Variants in CRB1 observed in about 807,000 individuals in gnomAD.
CRB1 encodes the protein protein crumbs homolog 1.
CRB1 carries 83 observed loss-of-function variants against 120.0 expected under a neutral mutation model. That is an observed-to-expected ratio of 0.69 (90% confidence interval 0.58 to 0.83). The LOEUF is 0.83. Among genes scored for constraint, CRB1 ranks in the 40% least tolerant of loss-of-function variants. The pLI, the probability that CRB1 is intolerant of heterozygous loss-of-function variation, is 0.00. For missense variants in CRB1, 1,699 were observed against 1,687.6 expected (o/e 1.01, Z -0.12); for synonymous variants, 625 against 612.5 (o/e 1.02, Z -0.30).
At chr1:197,270,997 C>T (rs1654875668) in intron 1 of CRB1, among the ~76,000 whole-genome samples, 2 of 152,076 alleles carry the variant, frequency 1.3e-5, no homozygotes, top group Admixed American at 6.6e-5. Context: ...TAGTTCAAGA[C>T]CAGCCTGGGC....
chr1:197,290,404 G>A (rs1656104917), intron 1 of CRB1, among the ~76,000 whole-genome samples: 2 of 151,436 alleles, frequency 1.3e-5, no homozygotes, highest in Admixed American at 1.3e-4. Flanking sequence ...TGAAAGGACA[G>A]GAAGTCATTA....
rs1197144783 is a variant in CRB1, at chr1:197,453,236, G to A, written c.4005+10944G>A. 2.0e-5 allele frequency among the ~76,000 whole-genome samples: 3 copies of A among 148,774 alleles called. No homozygotes were observed. The East Asian group carries it at 5.8e-4, about 29-fold the overall frequency. The stretch of plus-strand genomic sequence containing the variant: ...AGCTAGGGGGAAGTGGAAATGGGGA[G>A]ATGTCATTAAATAAGTATGTGTGTA... On this transcript the variant is annotated intron_variant, in intron 11 of 11. Coordinates refer to ENST00000367400, the MANE Select transcript of CRB1 (RefSeq NM_201253.3).
the CRB1 span, among the ~76,000 whole-genome samples, chr1:197,224,622 A>C: frequency 2.6e-5 from 4 of 152,152 alleles, no homozygotes; most frequent in Non-Finnish European, 5.9e-5. Flanking sequence ...TAAGCTGAAC[A>C]TAATTTTATT....
intron 1 of CRB1, among the ~76,000 whole-genome samples, chr1:197,298,628 G>C (rs1185625416): frequency 6.6e-6 from 1 of 151,976 alleles, no homozygotes; most frequent in Admixed American, 6.6e-5. Flanking sequence ...TGTCCTACCA[G>C]ATAATATAGC....
At chr1:197,395,593 GTCT>G (rs1662730997) in intron 5 of CRB1, among the ~76,000 whole-genome samples, 1 of 152,024 alleles carries the variant, frequency 6.6e-6, no homozygotes, top group Admixed American at 6.6e-5. Flanking sequence ...GGAACCCCAG[GTCT>G]TCTCTGTGCT....
At chr1:197,252,536 TTTTA>T in the CRB1 span, among the ~76,000 whole-genome samples, 1 of 39,944 alleles carries the variant, frequency 2.5e-5, no homozygotes, top group African/African-American at 8.0e-5. Context: ...AGCCAATAGA[TTTTA>T]TATATATATA....
intron 11 of CRB1, among the ~76,000 whole-genome samples, chr1:197,463,495 T>C (rs1383511126): frequency 7.9e-5 from 12 of 152,142 alleles, no homozygotes. Context: ...TCTGCAGATA[T>C]GCCAACTAAG....
intron 2 of CRB1, among the ~76,000 whole-genome samples, chr1:197,341,816 T>G (rs1221138463): frequency 6.6e-6 from 1 of 152,180 alleles, no homozygotes; most frequent in Non-Finnish European, 1.5e-5. Flanking sequence ...CTTATCTCCA[T>G]GATTCATTCT....
chr1:197,348,108 G>A (rs10922199), intron 4 of CRB1, among the ~76,000 whole-genome samples: 43,591 of 152,080 alleles, frequency 0.29, 7,948 homozygotes, highest in East Asian at 0.56. Context: ...GGTCAATGAC[G>A]GACCACATAT....
chr1:197,334,402 A>G (rs1659029897), intron 2 of CRB1, among the ~76,000 whole-genome samples: 1 of 152,184 alleles, frequency 6.6e-6, no homozygotes, highest in East Asian at 1.9e-4. Context: ...ATGCAATAGT[A>G]TTGGGAGGTG....
intron 7 of CRB1, chr1:197,429,235 C>G: frequency 7.2e-7 from 1 of 1,388,290 alleles, no homozygotes; most frequent in Non-Finnish European, 9.6e-7. Flanking sequence ...TATATCTTTT[C>G]TCTCTCTCTG....
intron 4 of CRB1, among the ~76,000 whole-genome samples, chr1:197,354,638 C>A (rs946323294): frequency 6.6e-6 from 1 of 152,050 alleles, no homozygotes; most frequent in African/African-American, 2.4e-5. Flanking sequence ...AGGAGTGAAG[C>A]TGCAGACCTT....
At chr1:197,445,965 G>A (rs1015561679) in intron 11 of CRB1, among the ~76,000 whole-genome samples, 8 of 152,252 alleles carry the variant, frequency 5.3e-5, no homozygotes, top group African/African-American at 1.9e-4. Flanking sequence ...CGAGGTGGGT[G>A]GATGACCTGC....
At chr1:197,261,398 A>G in the CRB1 span, among the ~76,000 whole-genome samples, 2 of 152,272 alleles carry the variant, frequency 1.3e-5, no homozygotes, top group African/African-American at 4.8e-5. Context: ...GTACATGCAT[A>G]CTATGAAATG....
chr1:197,362,168 G>GA (rs1238881489), intron 5 of CRB1, among the ~76,000 whole-genome samples: 1 of 151,860 alleles, frequency 6.6e-6, no homozygotes, highest in Non-Finnish European at 1.5e-5. Flanking sequence ...TTCTGTTATT[G>GA]ATTTTCAGTT....
intron 1 of CRB1, among the ~76,000 whole-genome samples, chr1:197,312,616 A>G (rs572195431): frequency 2.6e-5 from 4 of 152,288 alleles, no homozygotes; most frequent in East Asian, 1.9e-4. Context: ...CCAAAAATAA[A>G]AACAATCTGT....
At chr1:197,287,915 G>A (rs1242085167) in intron 1 of CRB1, among the ~76,000 whole-genome samples, 1 of 151,838 alleles carries the variant, frequency 6.6e-6, no homozygotes, top group Non-Finnish European at 1.5e-5. Flanking sequence ...ATGAAACAAT[G>A]GTTTCCGAGA....
At chr1:197,222,291 G>A in the CRB1 span, 4 of 642,812 alleles carry the variant, frequency 6.2e-6, no homozygotes, top group Non-Finnish European at 1.2e-5. Context: ...TTCTTGGTCT[G>A]TTATTTTCAG....
Position 197,402,742 on chromosome 1 carries a change from CA to C in CRB1, c.1172-18252del, listed in dbSNP as rs573008367. Among the ~76,000 whole-genome samples the C allele has an allele frequency of 2.1e-4, 32 of 152,180 alleles. 1 individual carries two copies. The South Asian group carries it at 6.4e-3, about 31-fold the overall frequency. On this transcript the variant is annotated intron_variant, in intron 5 of 11. Transcript: ENST00000367400. ...AAAATTTTTATTGAAGTACAATAAA[CA>C]AAAAATTACATAAACCAAGTATTTA...
Sources: gnomAD v4.1 joint callset for allele counts (sites outside exome capture counted in the v4.1 genomes callset) on GRCh38, gnomAD v4.1.1 for gene constraint, MANE v1.5 for transcripts, NCBI Gene and HGNC (gene_info 2026-07-23, HGNC 2026-07-21) for gene names.